The following CCSER1 variants were observed in gnomAD, a reference collection of about 807,000 sequenced individuals.
CCSER1 encodes the protein serine-rich coiled-coil domain-containing protein 1.
Under a neutral mutation model 82.0 loss-of-function variants are expected in CCSER1, and 41 were observed. The observed-to-expected ratio is 0.50, with a 90% CI of 0.39 to 0.65. The LOEUF is 0.65. Among genes scored for constraint, CCSER1 ranks in the 30% least tolerant of loss-of-function variants. CCSER1 has a pLI of 0.00. For synonymous variants in CCSER1, 414 were observed against 383.9 expected, an observed-to-expected ratio of 1.08 and a Z score of -0.92; for missense variants, 1,119 against 1,064.2, an observed-to-expected ratio of 1.05 and a Z score of -0.72.
chr4:90,196,244 C>T (rs1736581024), intron 1 of CCSER1, among the ~76,000 whole-genome samples: 2 of 151,998 alleles, frequency 1.3e-5, no homozygotes, highest in South Asian at 4.2e-4. Context: ...TCCTCCACTG[C>T]AGACCTTATG....
intron 5 of CCSER1, among the ~76,000 whole-genome samples, chr4:90,600,831 G>T (rs935474759): frequency 1.3e-5 from 2 of 151,722 alleles, no homozygotes; most frequent in Non-Finnish European, 2.9e-5. Flanking sequence ...GCAATATTTA[G>T]TCTTAGTGTC....
At chr4:90,188,808 A>G (rs1193815257) in intron 1 of CCSER1, among the ~76,000 whole-genome samples, 3 of 151,946 alleles carry the variant, frequency 2.0e-5, no homozygotes, top group African/African-American at 4.8e-5. Flanking sequence ...TTTATCCTGG[A>G]TTAGTATATT....
At chr4:90,298,140 GT>G (rs1732360555) in intron 1 of CCSER1, among the ~76,000 whole-genome samples, 1 of 152,030 alleles carries the variant, frequency 6.6e-6, no homozygotes, top group Non-Finnish European at 1.5e-5. Flanking sequence ...TTTTTGGTTG[GT>G]AAGCTATTGA....
At chr4:91,519,214 A>G (rs1760314260) in intron 10 of CCSER1, among the ~76,000 whole-genome samples, 1 of 152,188 alleles carries the variant, frequency 6.6e-6, no homozygotes, top group South Asian at 2.1e-4. Context: ...CCACTTTTCC[A>G]TAGGGCGGCC....
At chr4:90,576,775 T>C (rs1418084028) in intron 5 of CCSER1, among the ~76,000 whole-genome samples, 3 of 152,172 alleles carry the variant, frequency 2.0e-5, no homozygotes, top group Admixed American at 1.3e-4. Context: ...CCTACGAGAA[T>C]TAGGTTGCTT....
chr4:90,374,089 G>A (rs1310355067), intron 3 of CCSER1, among the ~76,000 whole-genome samples: 2 of 152,212 alleles, frequency 1.3e-5, no homozygotes, highest in African/African-American at 2.4e-5. Flanking sequence ...TAGCTTGCAA[G>A]TAAGGTAAAA....
chr4:90,894,410 G>A (rs979597757), intron 8 of CCSER1, among the ~76,000 whole-genome samples: 4 of 151,962 alleles, frequency 2.6e-5, no homozygotes, highest in East Asian at 1.9e-4. Flanking sequence ...CAACATGAGC[G>A]CATGGCCCTG....
Position 90,391,504 on chromosome 4 carries a change from A to AATATATATATATATATAT in CCSER1, c.1510-8522_1510-8505dup, listed in dbSNP as rs70963065. On this transcript the variant is annotated intron_variant, in intron 3 of 10. Coordinates refer to ENST00000509176, the MANE Select transcript of CCSER1 (RefSeq NM_001145065.2). ...TATATATACACACACACAGTGGGTA[A>AATATATATATATATATAT]ATATATATATATATATATATATATA... 2.3e-3 allele frequency among the ~76,000 whole-genome samples: 181 copies of AATATATATATATATATAT among 79,402 alleles called. 3 individuals are homozygous for AATATATATATATATATAT. Among genetic ancestry groups the AATATATATATATATATAT allele is most frequent in the African/African-American group, 6.4e-3 (133 of 20,628 alleles). 52.1% of individuals were successfully genotyped at this position (79,402 alleles called of 152,430 possible).
intron 9 of CCSER1, among the ~76,000 whole-genome samples, chr4:91,082,173 G>A (rs1307935786): frequency 2.0e-5 from 3 of 152,134 alleles, no homozygotes; most frequent in East Asian, 1.9e-4. Flanking sequence ...TATACTACAA[G>A]GCTACAGTAA....
At chr4:91,162,849 C>T (rs985717175) in intron 10 of CCSER1, among the ~76,000 whole-genome samples, 6 of 152,108 alleles carry the variant, frequency 3.9e-5, no homozygotes, top group Admixed American at 2.6e-4. Flanking sequence ...GGCTAGTGGA[C>T]TATCAATTTT....
At chr4:90,966,536 A>T (rs1734577367) in intron 9 of CCSER1, among the ~76,000 whole-genome samples, 1 of 152,122 alleles carries the variant, frequency 6.6e-6, no homozygotes, top group Non-Finnish European at 1.5e-5. Flanking sequence ...ATGTTCCCAG[A>T]TAAACAAAAA....
At chr4:91,422,736 C>G (rs922473241) in intron 10 of CCSER1, among the ~76,000 whole-genome samples, 1 of 152,046 alleles carries the variant, frequency 6.6e-6, no homozygotes. Flanking sequence ...GGATCCTGCA[C>G]GTTGCCTTTA....
At chr4:91,440,162 A>AT (rs1007978609) in intron 10 of CCSER1, among the ~76,000 whole-genome samples, 1 of 152,090 alleles carries the variant, frequency 6.6e-6, no homozygotes, top group Non-Finnish European at 1.5e-5. Context: ...CAGAATATAC[A>AT]TTTTTTTCAG....
chr4:91,314,260 A>G (rs1245594241), intron 10 of CCSER1, among the ~76,000 whole-genome samples: 1 of 151,922 alleles, frequency 6.6e-6, no homozygotes, highest in African/African-American at 2.4e-5. Flanking sequence ...CCTCAGTAAC[A>G]TATTTGTAAT....
chr4:90,518,836 C>T (rs1042230364), intron 5 of CCSER1, among the ~76,000 whole-genome samples: 2 of 151,530 alleles, frequency 1.3e-5, no homozygotes, highest in African/African-American at 2.4e-5. Context: ...GGATAGTTAT[C>T]CTATAGATAT....
At chr4:90,233,310 C>T (rs558039958) in intron 1 of CCSER1, among the ~76,000 whole-genome samples, 3 of 152,190 alleles carry the variant, frequency 2.0e-5, no homozygotes, top group Admixed American at 2.0e-4. Flanking sequence ...ATGATGAGTT[C>T]ATGTCCTTTG....
At chr4:91,403,233 G>C (rs1752460464) in intron 10 of CCSER1, among the ~76,000 whole-genome samples, 1 of 152,154 alleles carries the variant, frequency 6.6e-6, no homozygotes, top group African/African-American at 2.4e-5. Context: ...TGTGATTTTT[G>C]TACGTTGATT....
At chr4:91,294,629 G>A (rs1398713703) in intron 10 of CCSER1, among the ~76,000 whole-genome samples, 2 of 151,748 alleles carry the variant, frequency 1.3e-5, no homozygotes. Flanking sequence ...GAGGCTGTCA[G>A]GGGTTCCTGA....
intron 9 of CCSER1, among the ~76,000 whole-genome samples, chr4:90,956,482 T>C (rs888651965): frequency 6.6e-6 from 1 of 152,168 alleles, no homozygotes; most frequent in Non-Finnish European, 1.5e-5. Flanking sequence ...AGGGACACTA[T>C]TCAGACAGGC....
Sources: allele counts gnomAD v4.1 joint callset (sites outside exome capture counted in the v4.1 genomes callset), GRCh38; gene constraint gnomAD v4.1.1; transcripts MANE v1.5; gene names NCBI Gene and HGNC (gene_info 2026-07-23, HGNC 2026-07-21).